FGGY: variants seen among roughly 807,000 people sequenced by gnomAD.
FGGY encodes FGGY carbohydrate kinase domain containing.
A neutral mutation model predicts 71.3 loss-of-function variants in FGGY; 72 were observed. That is an observed-to-expected ratio of 1.01 (90% CI 0.84 to 1.23). FGGY has a LOEUF of 1.23. Ranked by LOEUF, FGGY falls within the 50% of genes most tolerant of loss-of-function variation. The pLI, the probability that FGGY is intolerant of heterozygous loss-of-function variation, is 0.00. For synonymous variants in FGGY, 251 were observed against 250.3 expected (o/e 1.00, Z -0.02); for missense variants, 668 against 682.3 (o/e 0.98, Z 0.23).
chr1:59,325,528 G>T (rs2047274905), intron 2 of FGGY, among the ~76,000 whole-genome samples: 1 of 152,128 alleles, frequency 6.6e-6, no homozygotes, highest in Admixed American at 6.5e-5. Flanking sequence ...TCTTCACCCA[G>T]ATCACTTTCT....
At chr1:59,376,145 C>T (rs1377073783) in intron 4 of FGGY, among the ~76,000 whole-genome samples, 1 of 152,164 alleles carries the variant, frequency 6.6e-6, no homozygotes, top group Admixed American at 6.5e-5. Flanking sequence ...CATTTTCTGA[C>T]TGTGGCTTGT....
chr1:59,666,373 C>G (rs2097326355), intron 12 of FGGY, among the ~76,000 whole-genome samples: 2 of 152,208 alleles, frequency 1.3e-5, no homozygotes, highest in African/African-American at 4.8e-5. Context: ...ATGGCCACAT[C>G]ACAGTTCATC....
rs1161807606 is a variant in FGGY, at chr1:59,324,302, A to T, written c.201+2552A>T. 4.2e-5 allele frequency among the ~76,000 whole-genome samples: 4 copies of T among 95,940 alleles called. No individual in the cohort carries two copies. In the East Asian group the frequency reaches 1.1e-3, roughly 26 times the overall value. 62.9% of individuals were successfully genotyped at this position (95,940 alleles called of 152,430 possible). On this transcript the variant is annotated intron_variant, in intron 2 of 15. Coordinates refer to ENST00000303721, the MANE Select transcript of FGGY (RefSeq NM_018291.5). ...TTTTTTTTTTTTTTTTTTGAGACGG[A>T]GTCTCGCTCTGTCGCCCAGGCTGGA... is the stretch of plus-strand genomic sequence containing the variant.
intron 14 of FGGY, among the ~76,000 whole-genome samples, chr1:59,744,181 G>A (rs2098174104): frequency 6.6e-6 from 1 of 152,110 alleles, no homozygotes; most frequent in African/African-American, 2.4e-5. Context: ...CTATTTTACA[G>A]ATGAGTAAAC....
intron 7 of FGGY, among the ~76,000 whole-genome samples, chr1:59,517,147 AT>A (rs1369272465): frequency 2.0e-5 from 3 of 152,054 alleles, no homozygotes; most frequent in African/African-American, 7.2e-5. Flanking sequence ...GCTTATAAAA[AT>A]AACATTAACT....
chr1:59,743,417 C>G (rs1302302500), intron 14 of FGGY, among the ~76,000 whole-genome samples: 1 of 152,204 alleles, frequency 6.6e-6, no homozygotes, highest in African/African-American at 2.4e-5. Context: ...TTGTGTAGCA[C>G]AATGCCTTGC....
chr1:59,437,780 G>C (rs1428253210), intron 5 of FGGY, among the ~76,000 whole-genome samples: 1 of 152,194 alleles, frequency 6.6e-6, no homozygotes, highest in African/African-American at 2.4e-5. Flanking sequence ...CCCCTTCCCA[G>C]TCTAGAGTAG....
intron 11 of FGGY, among the ~76,000 whole-genome samples, chr1:59,659,625 G>A (rs944508180): frequency 6.6e-6 from 1 of 152,062 alleles, no homozygotes. Context: ...ATACAAATCC[G>A]GCATCCTGTT....
chr1:59,332,117 T>G (rs925500437), intron 2 of FGGY: 2 of 152,176 alleles, frequency 1.3e-5, no homozygotes, highest in African/African-American at 4.8e-5. Flanking sequence ...TCTTGCTGAT[T>G]TAAAACACAT....
At chr1:59,658,552 T>C (rs2097243763) in intron 11 of FGGY, among the ~76,000 whole-genome samples, 1 of 152,132 alleles carries the variant, frequency 6.6e-6, no homozygotes. Flanking sequence ...GAGCATAGGA[T>C]ACAGAGTGAG....
chr1:59,613,340 A>AACTC (rs377740141), intron 9 of FGGY, among the ~76,000 whole-genome samples: 168 of 152,340 alleles, frequency 1.1e-3, no homozygotes, highest in African/African-American at 4.0e-3. Flanking sequence ...AGGTTTCAGA[A>AACTC]ACTCACTCAA....
At chr1:59,724,680 G>T (rs1321192391) in intron 14 of FGGY, among the ~76,000 whole-genome samples, 1 of 151,988 alleles carries the variant, frequency 6.6e-6, no homozygotes, top group Non-Finnish European at 1.5e-5. Context: ...ATTCTAATAG[G>T]TTTATAGATG....
rs74729630 is a variant in FGGY at position 59,627,710 on chromosome 1, G to A, written c.1073+1661G>A. 7.6e-3 allele frequency among the ~76,000 whole-genome samples: 1,152 copies of A among 151,898 alleles called. 19 individuals carry two copies. Among genetic ancestry groups the A allele is most frequent in the African/African-American group, 0.027 (1,099 of 41,436 alleles). On this transcript the variant is annotated intron_variant, in intron 10 of 15. Coordinates refer to ENST00000303721, the MANE Select transcript of FGGY (RefSeq NM_018291.5). ...AAAAGTAATCAGGACTTCTTAGAAA[G>A]ATGGCTGAGTCTACGCTGCGGCAGT...
chr1:59,472,660 T>C (rs112741064), intron 6 of FGGY, among the ~76,000 whole-genome samples: 1,775 of 152,310 alleles, frequency 0.012, 32 homozygotes, highest in African/African-American at 0.04. Context: ...CGGCACCCTG[T>C]GTCTAGCTCA....
intron 5 of FGGY, among the ~76,000 whole-genome samples, chr1:59,394,005 A>G (rs1441380536): frequency 1.3e-5 from 2 of 152,232 alleles, no homozygotes; most frequent in African/African-American, 4.8e-5. Flanking sequence ...GCTATTTTAA[A>G]TGTAGTTCAG....
intron 2 of FGGY, among the ~76,000 whole-genome samples, chr1:59,326,588 C>A (rs2047466189): frequency 6.6e-6 from 1 of 152,208 alleles, no homozygotes; most frequent in African/African-American, 2.4e-5. Context: ...AGGCAGAACT[C>A]AGATGGGTCA....
chr1:59,468,192 C>T (rs1032030571), intron 6 of FGGY, among the ~76,000 whole-genome samples: 9 of 152,232 alleles, frequency 5.9e-5, no homozygotes, highest in Non-Finnish European at 8.8e-5. Flanking sequence ...CATAAGTCAC[C>T]GCGCCCGACT....
chr1:59,570,201 G>A (rs529725417), intron 8 of FGGY, among the ~76,000 whole-genome samples: 1 of 152,146 alleles, frequency 6.6e-6, no homozygotes, highest in Admixed American at 6.6e-5. Flanking sequence ...TTTAACATGT[G>A]CCCAGGTGAT....
intron 7 of FGGY, among the ~76,000 whole-genome samples, chr1:59,543,720 T>A (rs2095480570): frequency 6.6e-6 from 1 of 152,106 alleles, no homozygotes; most frequent in African/African-American, 2.4e-5. Flanking sequence ...TTTTTTTTAG[T>A]TTAAATGTTC....
Sources: gnomAD v4.1 joint callset for allele counts (sites outside exome capture counted in the v4.1 genomes callset) on GRCh38, gnomAD v4.1.1 for gene constraint, MANE v1.5 for transcripts, NCBI Gene and HGNC (gene_info 2026-07-23, HGNC 2026-07-21) for gene names.